The following DCP2 variants were observed in gnomAD, a reference collection of about 807,000 sequenced individuals.
DCP2 encodes the protein decapping mRNA 2.
DCP2 carries 30 observed loss-of-function variants against 56.1 expected under a neutral mutation model. That is an observed-to-expected ratio of 0.53 (90% confidence interval 0.40 to 0.73). DCP2 has a LOEUF of 0.73. Among genes scored for constraint, DCP2 ranks in the 30% least tolerant of loss-of-function variants. The probability of loss-of-function intolerance (pLI) is 0.00; values close to 1 mark genes in which losing one functional copy is unlikely to be tolerated. For synonymous variants in DCP2, 197 were observed against 163.3 expected, an observed-to-expected ratio of 1.21 and a Z score of -1.57; for missense variants, 533 against 502.7, an observed-to-expected ratio of 1.06 and a Z score of -0.58.
chr5:113,011,552 G>A (rs1749681531), intron 10 of DCP2, among the ~76,000 whole-genome samples: 1 of 152,162 alleles, frequency 6.6e-6, no homozygotes, highest in Admixed American at 6.5e-5. Flanking sequence ...CTTTCATATA[G>A]AAAAGCCTAA....
chr5:112,979,862 C>G (rs1747913309), intron 1 of DCP2, among the ~76,000 whole-genome samples: 1 of 151,954 alleles, frequency 6.6e-6, no homozygotes, highest in Admixed American at 6.6e-5. Flanking sequence ...TTATTTAGTC[C>G]CTTGGTGCCT....
chr5:113,009,600 C>G (rs1400957918), intron 9 of DCP2, among the ~76,000 whole-genome samples: 1 of 152,122 alleles, frequency 6.6e-6, no homozygotes, highest in Non-Finnish European at 1.5e-5. Flanking sequence ...GAAGAGGAAT[C>G]TAAAGAATGT....
rs992006883 is a variant in DCP2, at chr5:113,017,000, C to G, written c.*3516C>G. On this transcript the variant is annotated 3_prime_UTR_variant, in exon 11 of 11. Transcript: ENST00000389063. ...GGGATTACAGGCATGCGCCACCACG[C>G]CCTGCTAATTCTGTCTTTTTAGTAG... 6.6e-6 allele frequency: 1 copy of G among 152,198 alleles called. No homozygotes were observed. The highest frequency in any genetic ancestry group is 1.5e-5 in the Non-Finnish European group (1 of 68,106). The allele number at this position is 152,198 out of a possible 1,614,324, so 9.4% of individuals were successfully genotyped here. A position where few individuals can be genotyped will look rare whatever the true frequency, so the allele number is the denominator to read the frequency against.
intron 2 of DCP2, among the ~76,000 whole-genome samples, chr5:112,989,677 C>G (rs147526330): frequency 2.0e-4 from 31 of 152,256 alleles, no homozygotes; most frequent in African/African-American, 7.0e-4. Context: ...AACATGACAA[C>G]TGCCATCATA....
rs577677474 is a variant in DCP2, at chr5:113,014,554, C to T, written c.*1070C>T. The T allele has an allele frequency of 6.5e-6, 1 of 152,694 alleles. No individual in the cohort carries two copies. Among genetic ancestry groups the T allele is most frequent in the African/African-American group, 2.4e-5 (1 of 41,534 alleles). The allele number at this position is 152,694 out of a possible 1,614,324, so 9.5% of individuals were successfully genotyped here. A position where few individuals can be genotyped will look rare whatever the true frequency, so the allele number is the denominator to read the frequency against. On this transcript the variant is annotated 3_prime_UTR_variant, in exon 11 of 11. Coordinates refer to ENST00000389063, the MANE Select transcript of DCP2 (RefSeq NM_152624.6). Reference sequence around the variant, plus strand: ...GGTTACACGTTATGTATATGTGTTACATAACAGTAACATACATAACTCACT... The same window carrying T: ...GGTTACACGTTATGTATATGTGTTATATAACAGTAACATACATAACTCACT...
At chr5:112,981,246 G>C (rs1747990444) in intron 1 of DCP2, among the ~76,000 whole-genome samples, 1 of 151,988 alleles carries the variant, frequency 6.6e-6, no homozygotes, top group Non-Finnish European at 1.5e-5. Flanking sequence ...GTAGCCTCAA[G>C]CAATCCTCCT....
At chr5:112,995,755 A>G (rs1337212416) in intron 4 of DCP2, among the ~76,000 whole-genome samples, 1 of 152,226 alleles carries the variant, frequency 6.6e-6, no homozygotes, top group African/African-American at 2.4e-5. Context: ...TGATTTTTAA[A>G]TGACCGACTT....
At chr5:113,011,796 CAGAG>C (rs1432328958) in intron 10 of DCP2, among the ~76,000 whole-genome samples, 2 of 152,142 alleles carry the variant, frequency 1.3e-5, no homozygotes, top group African/African-American at 4.8e-5. Flanking sequence ...AGATGGGCAT[CAGAG>C]AGCTTTTTTC....
rs1309039592 is a variant in DCP2, at chr5:113,012,432, T to A, written c.1100-889T>A. Among the ~76,000 whole-genome samples the A allele has an allele frequency of 6.6e-5, 10 of 152,174 alleles. No homozygotes were observed. In the South Asian group the frequency reaches 1.0e-3, roughly 16 times the overall value. ...TATATGAATATATAAAATTTTGAGT[T>A]GTCTTGAGAAGTGTGAAAGGATTCA... On this transcript the variant is annotated intron_variant, in intron 10 of 10. Coordinates refer to ENST00000389063, the MANE Select transcript of DCP2 (RefSeq NM_152624.6).
At chr5:112,987,620 CTTTTTTTT>C (rs562254738) in intron 2 of DCP2, among the ~76,000 whole-genome samples, 14 of 69,736 alleles carry the variant, frequency 2.0e-4, no homozygotes, top group African/African-American at 3.7e-4. Flanking sequence ...ACCTAGGTGC[CTTTTTTTT>C]TTTTTTTTTT....
intron 10 of DCP2, among the ~76,000 whole-genome samples, chr5:113,012,875 C>G (rs937919414): frequency 2.0e-5 from 3 of 152,114 alleles, no homozygotes; most frequent in South Asian, 2.1e-4. Flanking sequence ...AACTCCTGAC[C>G]TTGTGATCTG....
At chr5:112,992,283 G>A (rs752804035) in intron 3 of DCP2, 35 bp downstream of exon 3, 1 of 1,592,030 alleles carries the variant, frequency 6.3e-7, no homozygotes, top group Admixed American at 1.8e-5. Flanking sequence ...TTAGTGAAAT[G>A]GTGATCGTTA....
intron 2 of DCP2, among the ~76,000 whole-genome samples, chr5:112,988,528 A>G (rs1036424724): frequency 1.3e-5 from 2 of 149,748 alleles, no homozygotes; most frequent in African/African-American, 4.9e-5. Flanking sequence ...ATGGTATCCA[A>G]GATTTATTGG....
intron 1 of DCP2, among the ~76,000 whole-genome samples, chr5:112,981,887 C>T (rs1437366096): frequency 1.3e-5 from 2 of 152,166 alleles, no homozygotes; most frequent in Non-Finnish European, 2.9e-5. Context: ...TCTCCTGCCT[C>T]ATCCTCCCGA....
At chr5:113,009,223 A>C (rs1298592308) in intron 9 of DCP2, among the ~76,000 whole-genome samples, 1 of 152,242 alleles carries the variant, frequency 6.6e-6, no homozygotes, top group Non-Finnish European at 1.5e-5. Context: ...GATACCAATA[A>C]AATTCTTTGT....
intron 2 of DCP2, among the ~76,000 whole-genome samples, chr5:112,986,776 G>A (rs770861254): frequency 2.6e-5 from 4 of 152,164 alleles, no homozygotes; most frequent in Non-Finnish European, 5.9e-5. Flanking sequence ...GAGACTGGTG[G>A]ATTGCCAGAA....
rs1326637616 is a variant in DCP2, at chr5:113,021,611, C to G, written c.*8127C>G. Among the ~76,000 whole-genome samples the G allele has an allele frequency of 6.6e-6, 1 of 152,140 alleles. No individual in the cohort carries two copies. Among genetic ancestry groups the G allele is most frequent in the Non-Finnish European group, 1.5e-5 (1 of 68,016 alleles). ...TTGGATCTCAAGGGGGAAAGAAATA[C>G]ATTCTTTTCCATTAGAGACCTCAGC... On this transcript the variant is annotated 3_prime_UTR_variant, in exon 11 of 11. Transcript: ENST00000389063.
In DCP2 at chr5:113,015,247, G is replaced by A. The variant is rs1222261466; in HGVS notation, c.*1763G>A. 6.6e-6 allele frequency: 1 copy of A among 152,572 alleles called. No individual in the cohort carries two copies. Among genetic ancestry groups the A allele is most frequent in the Non-Finnish European group, 1.5e-5 (1 of 68,036 alleles). 9.5% of individuals were successfully genotyped at this position (152,572 alleles called of 1,614,324 possible). On this transcript the variant is annotated 3_prime_UTR_variant, in exon 11 of 11. Transcript: ENST00000389063. ...TTGGTCCCAGCATTCCAGACTTCTG[G>A]TAAATTGTTAAAGGAGTGAAAATGT...
intron 6 of DCP2, 32 bp downstream of exon 6, chr5:113,001,501 A>G (rs752000414): frequency 6.2e-7 from 1 of 1,608,438 alleles, no homozygotes; most frequent in Admixed American, 1.7e-5. Context: ...TGTAACTTTC[A>G]TGATTGGGAT....
Sources: allele counts gnomAD v4.1 joint callset (sites outside exome capture counted in the v4.1 genomes callset), GRCh38; gene constraint gnomAD v4.1.1; transcripts MANE v1.5; gene names NCBI Gene and HGNC (gene_info 2026-07-23, HGNC 2026-07-21).